The following AGO3 variants were observed in gnomAD, a reference collection of about 807,000 sequenced individuals.
AGO3 encodes the protein argonaute RISC catalytic component 3.
AGO3 carries 16 observed loss-of-function variants against 105.5 expected under a neutral mutation model. That is an observed-to-expected ratio of 0.15 (90% CI 0.10 to 0.23). The LOEUF (loss-of-function observed/expected upper bound fraction) is 0.23. AGO3 is among the 10% of genes least tolerant of loss of function. The probability of loss-of-function intolerance (pLI) is 1.00; values close to 1 mark genes in which losing one functional copy is unlikely to be tolerated. For synonymous variants in AGO3, 340 were observed against 367.3 expected, an observed-to-expected ratio of 0.93 and a Z score of 0.85; for missense variants, 534 against 1,088.0, an observed-to-expected ratio of 0.49 and a Z score of 7.16.
intron 11 of AGO3, among the ~76,000 whole-genome samples, chr1:36,025,407 C>CAAA (rs201609794): frequency 1.6e-5 from 1 of 62,346 alleles, no homozygotes; most frequent in African/African-American, 6.4e-5. Flanking sequence ...CTTGAAAGGC[C>CAAA]AAAAAAAAAA....
chr1:35,939,101 G>T (rs1367909539), intron 1 of AGO3, among the ~76,000 whole-genome samples: 2 of 152,150 alleles, frequency 1.3e-5, no homozygotes, highest in African/African-American at 2.4e-5. Context: ...TCCAACTCTA[G>T]TGGGCAGTAT....
chr1:35,953,546 G>A (rs1646511609), intron 2 of AGO3, among the ~76,000 whole-genome samples: 1 of 145,360 alleles, frequency 6.9e-6, no homozygotes, highest in South Asian at 2.1e-4. Context: ...TTTTTTTTGA[G>A]ACAGAGTCTT....
chr1:35,970,646 T>C (rs1330930160), intron 3 of AGO3, among the ~76,000 whole-genome samples: 1 of 151,854 alleles, frequency 6.6e-6, no homozygotes, highest in East Asian at 1.9e-4. Context: ...TTCAATGTGG[T>C]TATGTTATTT....
intron 5 of AGO3, among the ~76,000 whole-genome samples, chr1:35,975,113 C>T (rs763984433): frequency 3.9e-5 from 6 of 151,998 alleles, no homozygotes; most frequent in Admixed American, 2.0e-4. Flanking sequence ...ACATTCCTGG[C>T]GGTTAGACTG....
chr1:36,021,673 C>T (rs537391118), intron 11 of AGO3, among the ~76,000 whole-genome samples: 1 of 152,260 alleles, frequency 6.6e-6, no homozygotes, highest in East Asian at 1.9e-4. Flanking sequence ...TTTGGGGAAG[C>T]TTGTCCAATA....
At chr1:36,039,367 AC>A (rs1037305159) in intron 14 of AGO3, among the ~76,000 whole-genome samples, 2 of 151,756 alleles carry the variant, frequency 1.3e-5, no homozygotes, top group African/African-American at 4.8e-5. Flanking sequence ...GGTGGTGCAC[AC>A]CTGTAGTCCC....
chr1:35,958,998 T>C (rs914539766), intron 2 of AGO3, among the ~76,000 whole-genome samples: 1 of 152,196 alleles, frequency 6.6e-6, no homozygotes, highest in Non-Finnish European at 1.5e-5. Context: ...AGAATAATAT[T>C]TTTCATTCTG....
chr1:35,952,996 A>T (rs929118709), intron 2 of AGO3, among the ~76,000 whole-genome samples: 9 of 152,230 alleles, frequency 5.9e-5, no homozygotes, highest in Non-Finnish European at 1.2e-4. Context: ...GACTACTACA[A>T]ATAATGCTGC....
At chr1:35,967,304 C>T (rs1483236946) in intron 3 of AGO3, among the ~76,000 whole-genome samples, 2 of 152,036 alleles carry the variant, frequency 1.3e-5, no homozygotes, top group Non-Finnish European at 2.9e-5. Flanking sequence ...ACATTTCCAC[C>T]TTTGTTTTAT....
At chr1:35,984,907 C>T (rs1165905960) in intron 5 of AGO3, among the ~76,000 whole-genome samples, 1 of 152,038 alleles carries the variant, frequency 6.6e-6, no homozygotes. Context: ...TTTCTGAGGT[C>T]TCTAAGATAT....
At chr1:36,041,304 C>T (rs1302006681) in intron 16 of AGO3, among the ~76,000 whole-genome samples, 1 of 137,172 alleles carries the variant, frequency 7.3e-6, no homozygotes, top group Non-Finnish European at 1.5e-5. Flanking sequence ...TGCGGTGGCG[C>T]GATCTCAGCT....
At chr1:36,045,474 A>G (rs1361520979) in intron 17 of AGO3, among the ~76,000 whole-genome samples, 1 of 151,946 alleles carries the variant, frequency 6.6e-6, no homozygotes, top group Non-Finnish European at 1.5e-5. Flanking sequence ...CGCCCACCTC[A>G]GCCTACCAAA....
chr1:36,020,056 G>A (rs570996384), intron 11 of AGO3, among the ~76,000 whole-genome samples: 2 of 152,176 alleles, frequency 1.3e-5, no homozygotes, highest in South Asian at 2.1e-4. Flanking sequence ...ACAGGTGTGA[G>A]CCACCATGCC....
intron 12 of AGO3, among the ~76,000 whole-genome samples, chr1:36,033,800 G>A (rs1207599397): frequency 6.6e-6 from 1 of 152,146 alleles, no homozygotes; most frequent in Non-Finnish European, 1.5e-5. Context: ...TAAGTGTACT[G>A]TGATTACAAG....
At chr1:35,976,040 A>G (rs2148778587) in intron 5 of AGO3, among the ~76,000 whole-genome samples, 1 of 151,944 alleles carries the variant, frequency 6.6e-6, no homozygotes, top group South Asian at 2.1e-4. Flanking sequence ...GGTTCAAGCA[A>G]TTCTCATGCC....
intron 3 of AGO3, among the ~76,000 whole-genome samples, chr1:35,970,111 C>T (rs968060071): frequency 4.6e-5 from 7 of 152,142 alleles, no homozygotes; most frequent in Non-Finnish European, 7.3e-5. Context: ...CTCTGAGGAT[C>T]TCTGGTTTCT....
chr1:35,994,042 ATT>A (rs759085356), intron 5 of AGO3, among the ~76,000 whole-genome samples: 9 of 65,832 alleles, frequency 1.4e-4, no homozygotes, highest in East Asian at 6.0e-4. Context: ...CTGCGCCCAG[ATT>A]TTTTTTTTTT....
chr1:35,951,683 C>T (rs976280090), intron 2 of AGO3, among the ~76,000 whole-genome samples: 1 of 152,088 alleles, frequency 6.6e-6, no homozygotes, highest in Non-Finnish European at 1.5e-5. Context: ...GCCACTGCAC[C>T]CAGACAGATG....
intron 5 of AGO3, among the ~76,000 whole-genome samples, chr1:35,997,134 A>G (rs1301158576): frequency 6.6e-6 from 1 of 151,478 alleles, no homozygotes; most frequent in Non-Finnish European, 1.5e-5. Context: ...AAAAAATTAG[A>G]CGGGTGTGGT....
Sources: allele counts gnomAD v4.1 joint callset (sites outside exome capture counted in the v4.1 genomes callset), GRCh38; gene constraint gnomAD v4.1.1; transcripts MANE v1.5; gene names NCBI Gene and HGNC (gene_info 2026-07-23, HGNC 2026-07-21).